IFNGR1: variants seen among roughly 807,000 people sequenced by gnomAD.
IFNGR1 encodes the protein AVP, type 2.
IFNGR1 carries 23 observed loss-of-function variants against 35.4 expected under a neutral mutation model. The observed-to-expected ratio is 0.65, with a 90% CI of 0.47 to 0.92. IFNGR1 has a LOEUF of 0.92. Ranked by LOEUF, IFNGR1 falls within the 40% of genes least tolerant of loss-of-function variation. IFNGR1 has a pLI of 0.00. For missense variants in IFNGR1, 533 were observed against 583.4 expected, an observed-to-expected ratio of 0.91 and a Z score of 0.89; for synonymous variants, 199 against 209.5, an observed-to-expected ratio of 0.95 and a Z score of 0.43.
chr6:137,198,689 C>T (rs1201649209), intron 6 of IFNGR1, 50 bp from the exon 7 acceptor site: 2 of 1,460,802 alleles, frequency 1.4e-6, no homozygotes. Context: ...AGCTTAAGTG[C>T]CTACCCTCAA....
At chr6:137,214,120 G>A (rs1779636522) in intron 1 of IFNGR1, among the ~76,000 whole-genome samples, 1 of 152,104 alleles carries the variant, frequency 6.6e-6, no homozygotes, top group African/African-American at 2.4e-5. Context: ...TAAAGCATCT[G>A]GATCTTTTCC....
chr6:137,214,367 T>G (rs1285869491), intron 1 of IFNGR1, among the ~76,000 whole-genome samples: 1 of 152,242 alleles, frequency 6.6e-6, no homozygotes, highest in East Asian at 1.9e-4. Context: ...TTTTTCTTAA[T>G]GCTTTCCAAC....
At chr6:137,203,427 T>C in intron 5 of IFNGR1, 72 bp downstream of exon 5, 2 of 819,654 alleles carry the variant, frequency 2.4e-6, no homozygotes, top group South Asian at 1.4e-5. Context: ...GCAAATGAGT[T>C]TGCTTTCCTC....
chr6:137,218,209 A>C (rs2038590346), intron 1 of IFNGR1, among the ~76,000 whole-genome samples: 1 of 152,074 alleles, frequency 6.6e-6, no homozygotes, highest in African/African-American at 2.4e-5. Context: ...AATAACGCCT[A>C]CTCCAGAAGA....
intron 6 of IFNGR1, among the ~76,000 whole-genome samples, chr6:137,198,882 T>C (rs913709190): frequency 6.6e-6 from 1 of 152,336 alleles, no homozygotes; most frequent in African/African-American, 2.4e-5. Flanking sequence ...GTTACTGTGA[T>C]GGTTAATACT....
intron 1 of IFNGR1, among the ~76,000 whole-genome samples, chr6:137,209,028 G>C (rs1779514453): frequency 6.6e-6 from 1 of 152,220 alleles, no homozygotes; most frequent in African/African-American, 2.4e-5. Flanking sequence ...GTGAGACCTG[G>C]AGTCAAAGGA....
In IFNGR1 at chr6:137,206,951, A is replaced by T; in HGVS notation, c.200+12T>A. On this transcript the variant is annotated intron_variant, in intron 2 of 6. Transcript: ENST00000367739. ...ATGGAATAAAAAGGATAAATAAAAG[A>T]GTGACACTCACCCATAGTTCTTTAC... 6.4e-7 allele frequency: 1 copy of T among 1,569,038 alleles called. No homozygotes were observed. Among genetic ancestry groups the T allele is most frequent in the Non-Finnish European group, 8.8e-7 (1 of 1,139,138 alleles).
rs761373796 is a variant in IFNGR1 at position 137,198,196 on chromosome 6, TTTA to T, written c.1302_1304del (p.Asn434del). ...CTTGTCCTTCTGTTTTTATTTCACC[TTTA>T]TTATTTGGGGGAAATTCTGAGTCAG... On this transcript the variant is annotated inframe_deletion, in exon 7 of 7. Transcript: ENST00000367739. 1 of 1,614,132 alleles carries T rather than the reference TTTA, an allele frequency of 6.2e-7. No individual in the cohort carries two copies. The highest frequency in any genetic ancestry group is 8.5e-7 in the Non-Finnish European group (1 of 1,180,020).
chr6:137,198,488 T>C lies in IFNGR1; in HGVS notation c.1013A>G (p.Asp338Gly), dbSNP rs770124902. The change falls in exon 7 of 7, where the codon GAC (aspartate) becomes GGC (glycine). Residue 338 changes from aspartate (D) to glycine (G), a missense_variant. Transcript: ENST00000367739. ...TGTATGTTCCACTTTTCCTGGATTG[T>C]CTTCGGTATGCATGCCTGGAACTGT... ...PATVPGMHTE[D>G]NPGKVEHTEE... 2.5e-6 allele frequency: 4 copies of C among 1,614,048 alleles called. No homozygotes were observed. In the African/African-American group the frequency reaches 5.3e-5, roughly 22 times the overall value.
At chr6:137,217,683 T>C (rs1195360965) in intron 1 of IFNGR1, among the ~76,000 whole-genome samples, 1 of 152,226 alleles carries the variant, frequency 6.6e-6, no homozygotes, top group Admixed American at 6.5e-5. Flanking sequence ...CTGGCATCTA[T>C]AATTTTCTGT....
At chr6:137,202,496 T>A (rs1289562819) in intron 5 of IFNGR1, among the ~76,000 whole-genome samples, 1 of 152,220 alleles carries the variant, frequency 6.6e-6, no homozygotes, top group Non-Finnish European at 1.5e-5. Flanking sequence ...GTGTTTGTTC[T>A]GGCTCTTCAG....
At chr6:137,209,972 T>A in intron 1 of IFNGR1, 1 of 398,484 alleles carries the variant, frequency 2.5e-6, no homozygotes, top group Non-Finnish European at 4.4e-6. Flanking sequence ...TCAGAAAACA[T>A]CTGTTGATAA....
intron 5 of IFNGR1, among the ~76,000 whole-genome samples, 190 bp from the exon 6 acceptor site, chr6:137,201,198 T>C (rs1386565153): frequency 6.6e-6 from 1 of 152,244 alleles, no homozygotes; most frequent in Non-Finnish European, 1.5e-5. Flanking sequence ...GATAGCAATA[T>C]GGTTCTTCCC....
intron 1 of IFNGR1, among the ~76,000 whole-genome samples, chr6:137,216,352 CCT>C (rs1394120783): frequency 6.6e-6 from 1 of 152,090 alleles, no homozygotes; most frequent in Admixed American, 6.6e-5. Context: ...AGTGGCACAC[CCT>C]GATTCACTTA....
chr6:137,215,500 T>A, intron 1 of IFNGR1: 1 of 512,812 alleles, frequency 2.0e-6, no homozygotes. Context: ...ACCCCTTTAA[T>A]AAGAAAATTA....
chr6:137,200,541 A>G (rs1370738939), intron 6 of IFNGR1, among the ~76,000 whole-genome samples: 2 of 152,004 alleles, frequency 1.3e-5, no homozygotes, highest in African/African-American at 4.8e-5. Flanking sequence ...GACTAACCCC[A>G]CCCCAAAGCT....
rs964113507 is a variant in IFNGR1 at position 137,219,187 on chromosome 6, A to C, written c.85+56T>G. ...GGGCGGGGCTTCCCGGCTGGGGCGG[A>C]TCCCTCCCTCCCTCTCGTCCCGACC... On this transcript the variant is annotated intron_variant, in intron 1 of 6. Coordinates refer to ENST00000367739, the MANE Select transcript of IFNGR1 (RefSeq NM_000416.3). 3.3e-5 allele frequency: 51 copies of C among 1,554,242 alleles called. No individual in the cohort carries two copies. In the Middle Eastern group the frequency reaches 6.5e-4, roughly 20 times the overall value.
intron 1 of IFNGR1, among the ~76,000 whole-genome samples, chr6:137,216,516 G>A (rs1002829924): frequency 6.6e-6 from 1 of 152,180 alleles, no homozygotes; most frequent in South Asian, 2.1e-4. Context: ...ATTTCCTGGA[G>A]ACTGACTATA....
In IFNGR1 at chr6:137,197,818, C is replaced by CT. The variant is rs1562281847; in HGVS notation, c.*212dup. 2 of 541,746 alleles carry CT rather than the reference C, an allele frequency of 3.7e-6. No homozygotes were observed. The highest frequency in any genetic ancestry group is 5.2e-4 in the Middle Eastern group (1 of 1,930). 33.6% of individuals were successfully genotyped at this position (541,746 alleles called of 1,614,324 possible). A position where few individuals can be genotyped will look rare whatever the true frequency, so the allele number is the denominator to read the frequency against. On this transcript the variant is annotated 3_prime_UTR_variant, in exon 7 of 7. Coordinates refer to ENST00000367739, the MANE Select transcript of IFNGR1 (RefSeq NM_000416.3). Reference sequence around the variant, plus strand: ...ATGTAAAGGTTCATAAGTTACAATGCTTTTTTTGTTTAAAAAAAAAAAAAA... The same window carrying CT: ...ATGTAAAGGTTCATAAGTTACAATGCTTTTTTTTGTTTAAAAAAAAAAAAAA...
Sources: allele counts gnomAD v4.1 joint callset (sites outside exome capture counted in the v4.1 genomes callset), GRCh38; gene constraint gnomAD v4.1.1; transcripts MANE v1.5; gene names NCBI Gene and HGNC (gene_info 2026-07-23, HGNC 2026-07-21).